Variants in CSF2RB observed in about 807,000 individuals in gnomAD.
CSF2RB encodes colony stimulating factor 2 receptor subunit beta, also known as cytokine receptor common subunit beta.
CSF2RB carries 22 observed loss-of-function variants against 67.2 expected under a neutral mutation model. That is an observed-to-expected ratio of 0.33 (90% CI 0.23 to 0.47). The LOEUF (loss-of-function observed/expected upper bound fraction) is 0.47. CSF2RB is among the 20% of genes least tolerant of loss of function. The pLI is 1.00. For synonymous variants in CSF2RB, 507 were observed against 482.9 expected (o/e 1.05, Z -0.65); for missense variants, 1,113 against 1,174.5 (o/e 0.95, Z 0.76).
Position 36,922,182 on chromosome 22 carries a change from C to T in CSF2RB, c.-26C>T. ...GGCCAGCACCCACCAGTGCTGGTGC[C>T]TGCCTGTCCAGAGCTGACCAGGGAG... On this transcript the variant is annotated 5_prime_UTR_variant, in exon 2 of 14. Transcript: ENST00000403662. 5 of 1,562,658 alleles carry T rather than the reference C, an allele frequency of 3.2e-6. No individual in the cohort carries two copies. The highest frequency in any genetic ancestry group is 4.3e-6 in the Non-Finnish European group (5 of 1,152,916).
At chr22:36,929,837 C>T (rs755964831) in intron 6 of CSF2RB, 30 bp downstream of exon 6, 22 of 1,607,612 alleles carry the variant, frequency 1.4e-5, no homozygotes, top group African/African-American at 5.4e-5. Context: ...GGAAATGCCC[C>T]GTGGTGGGAG....
intron 12 of CSF2RB, 88 bp from the exon 13 acceptor site, chr22:36,936,461 G>T: frequency 2.0e-6 from 2 of 1,010,424 alleles, no homozygotes; most frequent in South Asian, 2.6e-5. Flanking sequence ...GGGGCTCCTT[G>T]AATCCTCCTG....
At chr22:36,917,312 G>A (rs1038447610) in intron 1 of CSF2RB, among the ~76,000 whole-genome samples, 5 of 152,028 alleles carry the variant, frequency 3.3e-5, no homozygotes, top group Non-Finnish European at 7.4e-5. Context: ...TCTTTGTCAG[G>A]TTGACCTATG....
intron 1 of CSF2RB, among the ~76,000 whole-genome samples, chr22:36,921,451 G>A (rs11705504): frequency 0.42 from 64,406 of 151,694 alleles, 16,183 homozygotes; most frequent in East Asian, 0.58. Flanking sequence ...GTGTGCCTGC[G>A]TGTGTCCGTG....
chr22:36,915,465 G>T (rs916705812), intron 1 of CSF2RB, among the ~76,000 whole-genome samples: 2 of 148,600 alleles, frequency 1.3e-5, no homozygotes, highest in African/African-American at 4.9e-5. Context: ...ACTTAATATT[G>T]TATTTTGGAA....
intron 8 of CSF2RB, among the ~76,000 whole-genome samples, chr22:36,931,665 C>T (rs6000494): frequency 0.065 from 9,852 of 152,270 alleles, 701 homozygotes; most frequent in African/African-American, 0.18. Context: ...TATTAGTAGG[C>T]AGATCAAGAT....
chr22:36,929,403 C>T lies in CSF2RB; in HGVS notation c.393C>T (p.Val131=). 1 of 1,614,198 alleles carries T rather than the reference C, an allele frequency of 6.2e-7. No individual in the cohort carries two copies. Among genetic ancestry groups the T allele is most frequent in the Non-Finnish European group, 8.5e-7 (1 of 1,180,038 alleles). ...TRLTVTLTQH[V]QPPEPRDLQI... ...TGCCCTTCACTTCCTCCCCTCCAGT[C>T]CAGCCTCCTGAGCCCAGGGACCTGC... Residue 131 remains valine (V), a splice_region_variant and synonymous_variant, in exon 5 of 14, where the codon GTC becomes GTT. Transcript: ENST00000403662.
In CSF2RB at chr22:36,937,116, G is replaced by A. The variant is rs1425347237; in HGVS notation, c.1569-261G>A. 6.6e-6 allele frequency among the ~76,000 whole-genome samples: 1 copy of A among 152,084 alleles called. No homozygotes were observed. The highest frequency in any genetic ancestry group is 2.4e-5 in the African/African-American group (1 of 41,398). On this transcript the variant is annotated intron_variant, in intron 13 of 13. Transcript: ENST00000403662. The surrounding 1 kb of genome is among the most constrained non-coding windows in gnomAD (Gnocchi z 4.6). ...ATGGACTTTAAGGTCAAAAGGGAGA[G>A]GGTACCAGCCTTGCAGAGGAAGACC...
At chr22:36,921,220 GTGTA>G (rs999987147) in intron 1 of CSF2RB, among the ~76,000 whole-genome samples, 2 of 151,656 alleles carry the variant, frequency 1.3e-5, no homozygotes, top group African/African-American at 4.8e-5. Flanking sequence ...TTGTTCATGT[GTGTA>G]TGTGTGTCTG....
At chr22:36,933,272 C>T (rs1941194173) in intron 9 of CSF2RB, among the ~76,000 whole-genome samples, 1 of 152,242 alleles carries the variant, frequency 6.6e-6, no homozygotes, top group Non-Finnish European at 1.5e-5. Context: ...CATGGAGGCT[C>T]AGACAGAGCT....
rs1014131618 is a variant in CSF2RB, at chr22:36,921,943, G to A, written c.-172-93G>A. The A allele has an allele frequency of 1.5e-4, 89 of 576,136 alleles. No homozygotes were observed. The East Asian group carries it at 2.4e-3, about 16-fold the overall frequency. The allele number at this position is 576,136 out of a possible 1,614,324, so 35.7% of individuals were successfully genotyped here. On this transcript the variant is annotated intron_variant, in intron 1 of 13. Coordinates refer to ENST00000403662, the MANE Select transcript of CSF2RB (RefSeq NM_000395.3). ...GGAGACTGAGAGGTCATGCATGAGG[G>A]CCACTTCTCTGGGTTGTCCCCACAA...
intron 1 of CSF2RB, among the ~76,000 whole-genome samples, chr22:36,920,091 G>A (rs41280005): frequency 0.21 from 31,491 of 152,184 alleles, 3,593 homozygotes; most frequent in East Asian, 0.37. Context: ...ACGAAGTGGA[G>A]CTTCTAGTGG....
Position 36,922,079 on chromosome 22 carries a change from T to G in CSF2RB, c.-129T>G, listed in dbSNP as rs117689490. 19,129 of 805,266 alleles carry G rather than the reference T, an allele frequency of 0.024. 317 individuals are homozygous for G. The highest frequency in any genetic ancestry group is 0.034 in the Middle Eastern group (100 of 2,936). The allele number at this position is 805,266 out of a possible 1,614,324, so 49.9% of individuals were successfully genotyped here. A position where few individuals can be genotyped will look rare whatever the true frequency, so the allele number is the denominator to read the frequency against. ...CCAGGAGGGAGAGGTCCCAAGAGCC[T>G]GTGAAATGGGTCTGGCCTGGCTCCC... On this transcript the variant is annotated 5_prime_UTR_variant, in exon 2 of 14. Transcript: ENST00000403662.
At chr22:36,934,229 C>T (rs185673318) in intron 10 of CSF2RB, among the ~76,000 whole-genome samples, 18 of 152,218 alleles carry the variant, frequency 1.2e-4, no homozygotes, top group Admixed American at 2.0e-4. Flanking sequence ...AGAAACTGGG[C>T]GTGGAGTCAG....
Position 36,929,701 on chromosome 22 carries a change from C to T in CSF2RB, c.612C>T (p.Pro204=), listed in dbSNP as rs139583249. The T allele has an allele frequency of 1.3e-4, 215 of 1,614,218 alleles. No individual in the cohort carries two copies. The highest frequency in any genetic ancestry group is 1.7e-4 in the Non-Finnish European group (206 of 1,180,040). ...CCCTGGGGCCAGAGCACCTCATGCC[C>T]AGCAGCACCTACGTGGCCCGAGTAC... ...QATLGPEHLM[P]SSTYVARVRT... is the part of the protein sequence containing the mutation. Residue 204 remains proline (P), a synonymous_variant, in exon 6 of 14, where the codon CCC becomes CCT. Coordinates refer to ENST00000403662, the MANE Select transcript of CSF2RB (RefSeq NM_000395.3).
intron 1 of CSF2RB, among the ~76,000 whole-genome samples, chr22:36,916,716 G>A (rs6000484): frequency 0.027 from 4,141 of 152,162 alleles, 193 homozygotes; most frequent in African/African-American, 0.095. Context: ...AAAATTAGCC[G>A]GGTTTGGTGG....
intron 3 of CSF2RB, among the ~76,000 whole-genome samples, chr22:36,925,151 A>C (rs1405210374): frequency 6.6e-6 from 1 of 152,132 alleles, no homozygotes; most frequent in African/African-American, 2.4e-5. Flanking sequence ...AAACTAAACA[A>C]CAGGGAGGAT....
intron 1 of CSF2RB, among the ~76,000 whole-genome samples, chr22:36,920,961 C>T (rs1006529237): frequency 6.6e-6 from 1 of 151,408 alleles, no homozygotes; most frequent in African/African-American, 2.4e-5. Context: ...GAGTTTGTTT[C>T]CAGCCAGCAT....
chr22:36,928,305 G>A (rs1198291271), intron 4 of CSF2RB, among the ~76,000 whole-genome samples: 2 of 152,134 alleles, frequency 1.3e-5, no homozygotes, highest in Non-Finnish European at 2.9e-5. Context: ...GGGGCTCCCA[G>A]TCTGCGCAGT....
Sources: gnomAD v4.1 joint callset for allele counts (sites outside exome capture counted in the v4.1 genomes callset) on GRCh38, gnomAD v4.1.1 for gene constraint, Gnocchi (gnomAD v3.1) non-coding constraint, MANE v1.5 for transcripts, NCBI Gene and HGNC (gene_info 2026-07-23, HGNC 2026-07-21) for gene names.